Variants in ARB2A observed in about 807,000 individuals in gnomAD.
ARB2A encodes cotranscriptional regulator ARB2A.
chr5:94,035,657 G>A, the ARB2A span, among the ~76,000 whole-genome samples: 5 of 152,204 alleles, frequency 3.3e-5, no homozygotes, highest in African/African-American at 1.2e-4. Context: ...TATACACCAT[G>A]GAATACTATG....
the ARB2A span, among the ~76,000 whole-genome samples, chr5:93,770,090 T>C: frequency 6.6e-6 from 1 of 152,160 alleles, no homozygotes; most frequent in Non-Finnish European, 1.5e-5. Flanking sequence ...AGCATTTTAG[T>C]GCATCTTTAG....
chr5:93,741,283 C>T, the ARB2A span: 7 of 1,613,608 alleles, frequency 4.3e-6, no homozygotes, highest in African/African-American at 4.0e-5. Context: ...TTCGGAGGGG[C>T]GTCGCAACCA....
At chr5:93,966,856 A>C in the ARB2A span, among the ~76,000 whole-genome samples, 1 of 152,092 alleles carries the variant, frequency 6.6e-6, no homozygotes, top group Non-Finnish European at 1.5e-5. Context: ...TGTCTGTTAC[A>C]CATCTACTTA....
At chr5:93,969,990 A>C in the ARB2A span, among the ~76,000 whole-genome samples, 1 of 152,126 alleles carries the variant, frequency 6.6e-6, no homozygotes, top group Non-Finnish European at 1.5e-5. Flanking sequence ...TAAGGTAAAT[A>C]ATATAAATAC....
chr5:93,654,133 G>A, the ARB2A span, among the ~76,000 whole-genome samples: 1 of 152,104 alleles, frequency 6.6e-6, no homozygotes, highest in African/African-American at 2.4e-5. Context: ...CAGAAAATCA[G>A]AAAACAGAAA....
the ARB2A span, among the ~76,000 whole-genome samples, chr5:93,674,472 T>C: frequency 1.3e-5 from 2 of 152,292 alleles, no homozygotes; most frequent in South Asian, 4.1e-4. Flanking sequence ...AAAAAGAATA[T>C]GCTCTCGATC....
At chr5:93,751,386 T>C in the ARB2A span, among the ~76,000 whole-genome samples, 1 of 152,182 alleles carries the variant, frequency 6.6e-6, no homozygotes, top group African/African-American at 2.4e-5. Context: ...ACAGAAATGA[T>C]AGCACAAGGT....
At chr5:93,885,831 T>G in the ARB2A span, among the ~76,000 whole-genome samples, 1 of 151,744 alleles carries the variant, frequency 6.6e-6, no homozygotes, top group Non-Finnish European at 1.5e-5. Flanking sequence ...AAAGTACTTG[T>G]GATTTAAATA....
chr5:93,736,969 A>G, the ARB2A span: 1 of 152,204 alleles, frequency 6.6e-6, no homozygotes, highest in South Asian at 2.1e-4. Context: ...GTGAGTAAGA[A>G]AAAGAAAGGG....
At chr5:94,056,280 C>T in the ARB2A span, among the ~76,000 whole-genome samples, 11 of 152,058 alleles carry the variant, frequency 7.2e-5, no homozygotes, top group East Asian at 3.9e-4. Context: ...AATGATAAAA[C>T]GAACAACTAA....
the ARB2A span, among the ~76,000 whole-genome samples, chr5:93,627,587 G>A: frequency 6.6e-6 from 1 of 151,714 alleles, no homozygotes; most frequent in African/African-American, 2.4e-5. Context: ...TGGGATTACA[G>A]GTGCGCACCA....
At chr5:94,016,555 T>C in the ARB2A span, among the ~76,000 whole-genome samples, 37 of 152,212 alleles carry the variant, frequency 2.4e-4, no homozygotes, top group Non-Finnish European at 7.3e-5. Context: ...CTAAGTGGAA[T>C]AGACCAGATG....
At chr5:93,652,660 T>C in the ARB2A span, among the ~76,000 whole-genome samples, 1 of 152,354 alleles carries the variant, frequency 6.6e-6, no homozygotes, top group South Asian at 2.1e-4. Context: ...CTAAAGTTTA[T>C]TCCATGGAAC....
chr5:93,745,044 T>C, the ARB2A span, among the ~76,000 whole-genome samples: 3 of 152,186 alleles, frequency 2.0e-5, no homozygotes, highest in African/African-American at 2.4e-5. Flanking sequence ...TCTGAAAGAG[T>C]TGTTTTAAGC....
chr5:94,029,894 A>C, the ARB2A span, among the ~76,000 whole-genome samples: 1 of 152,212 alleles, frequency 6.6e-6, no homozygotes, highest in East Asian at 1.9e-4. Flanking sequence ...TACTTTATAA[A>C]GGAAAGAGGT....
the ARB2A span, among the ~76,000 whole-genome samples, chr5:94,036,159 T>G: frequency 6.6e-6 from 1 of 152,220 alleles, no homozygotes; most frequent in African/African-American, 2.4e-5. Flanking sequence ...CTCTGCTCAG[T>G]TACATTACCA....
the ARB2A span, among the ~76,000 whole-genome samples, chr5:93,721,717 A>T: frequency 6.6e-6 from 1 of 152,176 alleles, no homozygotes; most frequent in Admixed American, 6.6e-5. Context: ...AGCCTTAGAC[A>T]TCATCTAATC....
At chr5:94,108,149 G>A in the ARB2A span, among the ~76,000 whole-genome samples, 7 of 151,954 alleles carry the variant, frequency 4.6e-5, no homozygotes, top group Admixed American at 3.3e-4. Context: ...ACCAGAACAC[G>A]TCTTTTCTGT....
the ARB2A span, among the ~76,000 whole-genome samples, chr5:93,667,331 C>T: frequency 2.0e-5 from 3 of 152,096 alleles, no homozygotes; most frequent in African/African-American, 4.8e-5. Flanking sequence ...TTCCTTAAAC[C>T]GTAAGCTCCT....
Sources: allele counts gnomAD v4.1 joint callset (sites outside exome capture counted in the v4.1 genomes callset), GRCh38; gene constraint gnomAD v4.1.1; transcripts MANE v1.5; gene names NCBI Gene and HGNC (gene_info 2026-07-23, HGNC 2026-07-21).